Variants in TRPS1 observed in about 807,000 individuals in gnomAD.
TRPS1 encodes transcriptional repressor GATA binding 1.
A neutral mutation model predicts 101.2 loss-of-function variants in TRPS1; 6 were observed. The observed-to-expected ratio is 0.06, with a 90% CI of 0.03 to 0.12. TRPS1 has a LOEUF of 0.12. Among genes scored for constraint, TRPS1 ranks in the 10% least tolerant of loss-of-function variants. The probability of loss-of-function intolerance (pLI) is 1.00; values close to 1 mark genes in which losing one functional copy is unlikely to be tolerated. For missense variants in TRPS1, 1,363 were observed against 1,567.0 expected, an observed-to-expected ratio of 0.87 and a Z score of 2.20; for synonymous variants, 578 against 589.8, an observed-to-expected ratio of 0.98 and a Z score of 0.29.
chr8:115,548,953 T>C (rs925366965), intron 5 of TRPS1, among the ~76,000 whole-genome samples: 1 of 152,224 alleles, frequency 6.6e-6, no homozygotes, highest in African/African-American at 2.4e-5. Context: ...CCTGTCATAT[T>C]ACTGACAAGT....
intron 5 of TRPS1, among the ~76,000 whole-genome samples, chr8:115,420,211 T>A (rs1007304206): frequency 6.6e-6 from 1 of 152,136 alleles, no homozygotes; most frequent in Non-Finnish European, 1.5e-5. Context: ...CTCAATAACA[T>A]TGCAATAGCA....
intron 1 of TRPS1, among the ~76,000 whole-genome samples, chr8:115,657,862 A>G (rs1811709793): frequency 6.6e-6 from 1 of 152,136 alleles, no homozygotes; most frequent in Non-Finnish European, 1.5e-5. Context: ...AAAATAAAGT[A>G]TGTAAGCTTT....
intron 6 of TRPS1, among the ~76,000 whole-genome samples, chr8:115,416,226 CATGTTCA>C (rs1812915686): frequency 6.6e-6 from 1 of 151,772 alleles, no homozygotes; most frequent in Non-Finnish European, 1.5e-5. Context: ...TATTTATGGA[CATGTTCA>C]ACAGGTATTT....
chr8:115,433,965 G>A (rs930104765), intron 5 of TRPS1, among the ~76,000 whole-genome samples: 2 of 120,268 alleles, frequency 1.7e-5, no homozygotes, highest in Non-Finnish European at 3.4e-5. Context: ...TGTTTAAAGC[G>A]CCTGCTGTCA....
intron 1 of TRPS1, among the ~76,000 whole-genome samples, chr8:115,639,183 C>T (rs2130581342): frequency 1.3e-5 from 2 of 152,294 alleles, no homozygotes; most frequent in South Asian, 2.1e-4. Flanking sequence ...CCTGCTTCAG[C>T]CTCCCAAGTA....
chr8:115,563,333 A>T (rs901350255), intron 5 of TRPS1, among the ~76,000 whole-genome samples: 1 of 152,012 alleles, frequency 6.6e-6, no homozygotes, highest in African/African-American at 2.4e-5. Flanking sequence ...TCTGTAACCA[A>T]CCTGGTCCAG....
At chr8:115,533,436 G>GTTTTTTTTTGTTTTTTTTTTTT (rs1816188753) in intron 5 of TRPS1, among the ~76,000 whole-genome samples, 1 of 34,986 alleles carries the variant, frequency 2.9e-5, no homozygotes. Context: ...CATGTAATCT[G>GTTTTTTTTTGTTTTTTTTTTTT]TTTTTTTTTT....
intron 5 of TRPS1, among the ~76,000 whole-genome samples, chr8:115,488,963 C>T (rs531651442): frequency 6.6e-6 from 1 of 152,230 alleles, no homozygotes; most frequent in African/African-American, 2.4e-5. Flanking sequence ...GCTGCAGTTA[C>T]TTCTATTTTA....
rs747047981 is a variant in TRPS1 at position 115,414,992 on chromosome 8, C to T, written c.2916G>A (p.Gln972=). The part of the protein sequence containing the change: ...TRKRLNPEAL[Q]AEQLNKQQRG... Reference sequence around the variant, plus strand: ...TCTGCTGTTTGTTGAGCTGCTCAGCCTGAAGTGCCTCTGGGTTAAGGCGCT... The same window carrying T: ...TCTGCTGTTTGTTGAGCTGCTCAGCTTGAAGTGCCTCTGGGTTAAGGCGCT... The change falls in exon 7 of 7, where the codon CAG becomes CAA. Residue 972 remains glutamine, a synonymous_variant. Coordinates refer to ENST00000395715, the MANE Select transcript of TRPS1 (RefSeq NM_014112.5). The surrounding 1 kb of genome is among the most constrained non-coding windows in gnomAD (Gnocchi z 4.8). The T allele has an allele frequency of 1.3e-6, 2 of 1,577,406 alleles. No individual in the cohort carries two copies. The highest frequency in any genetic ancestry group is 2.2e-5 in the East Asian group (1 of 44,722).
intron 5 of TRPS1, among the ~76,000 whole-genome samples, chr8:115,488,696 A>G (rs1814948670): frequency 6.6e-6 from 1 of 152,158 alleles, no homozygotes; most frequent in Non-Finnish European, 1.5e-5. Flanking sequence ...AAAAACAAAA[A>G]AAACAAACCA....
At chr8:115,531,068 T>G (rs938051932) in intron 5 of TRPS1, among the ~76,000 whole-genome samples, 1 of 152,074 alleles carries the variant, frequency 6.6e-6, no homozygotes, top group African/African-American at 2.4e-5. Flanking sequence ...ACCCTAGAAC[T>G]TAAAGTATAA....
chr8:115,635,009 A>T (rs1818735787), intron 1 of TRPS1, among the ~76,000 whole-genome samples: 1 of 152,180 alleles, frequency 6.6e-6, no homozygotes, highest in Admixed American at 6.5e-5. Flanking sequence ...AAAATAATAG[A>T]TGAACCCTGG....
At chr8:115,462,544 G>C (rs1343758844) in intron 5 of TRPS1, among the ~76,000 whole-genome samples, 1 of 151,854 alleles carries the variant, frequency 6.6e-6, no homozygotes, top group Non-Finnish European at 1.5e-5. Context: ...CATGAGTGCA[G>C]GACAAATGTT....
chr8:115,628,773 T>C (rs1206301673), intron 1 of TRPS1, among the ~76,000 whole-genome samples: 1 of 151,812 alleles, frequency 6.6e-6, no homozygotes, highest in Non-Finnish European at 1.5e-5. Flanking sequence ...ATACGGTAAC[T>C]GTTTAAGCAT....
At chr8:115,592,936 C>T (rs1817709167) in intron 4 of TRPS1, among the ~76,000 whole-genome samples, 3 of 152,108 alleles carry the variant, frequency 2.0e-5, no homozygotes, top group Non-Finnish European at 2.9e-5. Flanking sequence ...TTGGAGTGTA[C>T]TCTTAATATA....
intron 5 of TRPS1, among the ~76,000 whole-genome samples, chr8:115,463,737 A>T (rs1814247894): frequency 6.6e-6 from 1 of 152,256 alleles, no homozygotes; most frequent in Admixed American, 6.5e-5. Context: ...ATAATTTAAT[A>T]AATTAATATT....
chr8:115,610,010 A>C (rs1818127202), intron 3 of TRPS1, among the ~76,000 whole-genome samples: 2 of 152,230 alleles, frequency 1.3e-5, no homozygotes, highest in African/African-American at 4.8e-5. Context: ...ATGTCAAAGG[A>C]AAATATTTCT....
chr8:115,554,338 C>T (rs1442346784), intron 5 of TRPS1, among the ~76,000 whole-genome samples: 2 of 152,102 alleles, frequency 1.3e-5, no homozygotes, highest in Non-Finnish European at 2.9e-5. Context: ...AATGACAGGA[C>T]AGTCAGACAT....
At chr8:115,538,775 T>C (rs933350273) in intron 5 of TRPS1, among the ~76,000 whole-genome samples, 4 of 152,132 alleles carry the variant, frequency 2.6e-5, no homozygotes, top group African/African-American at 9.7e-5. Context: ...AGAAGACAAC[T>C]CCTATTTCAC....
Sources: allele counts gnomAD v4.1 joint callset (sites outside exome capture counted in the v4.1 genomes callset), GRCh38; gene constraint gnomAD v4.1.1; non-coding constraint Gnocchi (gnomAD v3.1); transcripts MANE v1.5; gene names NCBI Gene and HGNC (gene_info 2026-07-23, HGNC 2026-07-21).